Variants in TTLL11 observed in about 807,000 individuals in gnomAD.
The protein encoded by TTLL11 is tubulin polyglutamylase TTLL11.
Under a neutral mutation model 51.7 loss-of-function variants are expected in TTLL11, and 42 were observed. That is an observed-to-expected ratio of 0.81 (90% CI 0.64 to 1.05). TTLL11 has a LOEUF of 1.05. Ranked by LOEUF, TTLL11 falls within the 50% of genes least tolerant of loss-of-function variation. TTLL11 has a pLI of 0.00. For missense variants in TTLL11, 799 were observed against 940.4 expected (o/e 0.85, Z 1.97); for synonymous variants, 381 against 383.5 (o/e 0.99, Z 0.08).
At chr9:121,917,448 T>C (rs2131514999) in intron 6 of TTLL11, among the ~76,000 whole-genome samples, 1 of 138,814 alleles carries the variant, frequency 7.2e-6, no homozygotes, top group Non-Finnish European at 1.5e-5. Flanking sequence ...TTAGCCTGCC[T>C]GGGTGACAGA....
intron 4 of TTLL11, among the ~76,000 whole-genome samples, chr9:121,980,533 A>C (rs1842804808): frequency 1.3e-5 from 2 of 152,208 alleles, no homozygotes; most frequent in African/African-American, 4.8e-5. Context: ...CCCACCTCAC[A>C]TGCAGCCCTC....
chr9:121,932,289 C>T (rs1307394663), intron 6 of TTLL11, among the ~76,000 whole-genome samples: 1 of 152,150 alleles, frequency 6.6e-6, no homozygotes, highest in Non-Finnish European at 1.5e-5. Flanking sequence ...TGTATTGTAC[C>T]TAAGGTTTTG....
intron 8 of TTLL11, among the ~76,000 whole-genome samples, chr9:121,855,410 T>A (rs1230294452): frequency 6.6e-6 from 1 of 152,220 alleles, no homozygotes; most frequent in Non-Finnish European, 1.5e-5. Flanking sequence ...TTTTCCTAAT[T>A]ATTTTAAGCA....
chr9:121,850,840 G>C (rs1271795190), intron 8 of TTLL11, among the ~76,000 whole-genome samples: 1 of 152,130 alleles, frequency 6.6e-6, no homozygotes, highest in Non-Finnish European at 1.5e-5. Flanking sequence ...TCACGTCCTT[G>C]GTAATTGCCC....
intron 1 of TTLL11, among the ~76,000 whole-genome samples, chr9:122,084,963 C>A (rs1213630551): frequency 6.6e-6 from 1 of 152,114 alleles, no homozygotes; most frequent in African/African-American, 2.4e-5. Context: ...AATTAACATA[C>A]CAACGTATGA....
chr9:121,890,393 C>G lies in TTLL11; in HGVS notation c.1482-19645G>C, dbSNP rs1839181366. On this transcript the variant is annotated intron_variant, in intron 6 of 8. Coordinates refer to ENST00000321582, the MANE Select transcript of TTLL11 (RefSeq NM_001139442.2). The surrounding 1 kb of genome is among the most constrained non-coding windows in gnomAD (Gnocchi z 4.3). ...CTTCACCAGTTTCCTGGCTCGCAAC[C>G]TCCGCTTCCAATGTGTCCTTCATGT... 2.0e-5 allele frequency among the ~76,000 whole-genome samples: 3 copies of G among 152,318 alleles called. No individual in the cohort carries two copies. The South Asian group carries it at 6.2e-4, about 32-fold the overall frequency.
intron 3 of TTLL11, among the ~76,000 whole-genome samples, chr9:121,993,689 T>G (rs185419035): frequency 6.6e-6 from 1 of 152,286 alleles, no homozygotes; most frequent in East Asian, 1.9e-4. Context: ...TATGATGCAT[T>G]TGAGGAAATC....
intron 6 of TTLL11, among the ~76,000 whole-genome samples, chr9:121,895,613 G>A (rs1839451461): frequency 6.6e-6 from 1 of 150,760 alleles, no homozygotes; most frequent in African/African-American, 2.4e-5. Flanking sequence ...ATGTGTGTCT[G>A]TGTGAACATG....
At chr9:122,031,647 TCCCAGCACACAGGA>T in intron 3 of TTLL11, 62 bp downstream of exon 3, 1 of 1,545,116 alleles carries the variant, frequency 6.5e-7, no homozygotes. Context: ...CTGTCCCAGC[TCCCAGCACACAGGA>T]CCCAGGACAC....
chr9:122,035,665 G>A (rs1274914583), intron 2 of TTLL11, among the ~76,000 whole-genome samples: 2 of 152,148 alleles, frequency 1.3e-5, no homozygotes, highest in Non-Finnish European at 2.9e-5. Flanking sequence ...TATTCTGATT[G>A]CCACTAATTC....
chr9:121,907,406 T>A (rs934749040), intron 6 of TTLL11, among the ~76,000 whole-genome samples: 8 of 150,374 alleles, frequency 5.3e-5, no homozygotes, highest in Non-Finnish European at 4.4e-5. Flanking sequence ...GCTGAAATCA[T>A]GCCACTGCAC....
At chr9:122,090,362 C>A (rs1341314137) in intron 1 of TTLL11, among the ~76,000 whole-genome samples, 1 of 152,134 alleles carries the variant, frequency 6.6e-6, no homozygotes, top group Non-Finnish European at 1.5e-5. Flanking sequence ...TCGCATGGCA[C>A]ATGATCTGAT....
In TTLL11 at chr9:122,061,130, C is replaced by T. The variant is rs571753522; in HGVS notation, c.463-21762G>A. 2.0e-5 allele frequency among the ~76,000 whole-genome samples: 3 copies of T among 152,326 alleles called. No individual in the cohort carries two copies. The East Asian group carries it at 5.8e-4, about 29-fold the overall frequency. On this transcript the variant is annotated intron_variant, in intron 1 of 8. Transcript: ENST00000321582. ...TCACACATCACTCCAATCCCTGCCA[C>T]CGTCTTCACATGGCCCCCCTCTCCA...
intron 6 of TTLL11, among the ~76,000 whole-genome samples, chr9:121,928,291 T>C (rs944633123): frequency 6.6e-5 from 10 of 152,172 alleles, no homozygotes; most frequent in African/African-American, 2.2e-4. Context: ...AATTGTTATA[T>C]TAAAAACTGC....
chr9:122,062,656 A>G (rs1845467532), intron 1 of TTLL11, among the ~76,000 whole-genome samples: 1 of 150,080 alleles, frequency 6.7e-6, no homozygotes, highest in South Asian at 2.1e-4. Context: ...TTTAGTAGAG[A>G]TGGGGTTTCA....
intron 8 of TTLL11, among the ~76,000 whole-genome samples, chr9:121,834,163 A>G (rs563675007): frequency 6.6e-6 from 1 of 152,338 alleles, no homozygotes; most frequent in East Asian, 1.9e-4. Flanking sequence ...AAGGCGGTTC[A>G]TCACAGGAAT....
At chr9:121,980,179 G>A (rs967586320) in intron 4 of TTLL11, among the ~76,000 whole-genome samples, 2 of 150,402 alleles carry the variant, frequency 1.3e-5, no homozygotes, top group Non-Finnish European at 2.9e-5. Context: ...GGGCCAGGGG[G>A]GCCTTTCTTT....
chr9:121,880,265 G>A (rs546722764), intron 6 of TTLL11, among the ~76,000 whole-genome samples: 23 of 152,246 alleles, frequency 1.5e-4, no homozygotes, highest in African/African-American at 5.5e-4. Flanking sequence ...CCCAAGGCAC[G>A]GTGAACAAGG....
At chr9:122,060,447 T>C (rs775588659) in intron 1 of TTLL11, among the ~76,000 whole-genome samples, 1 of 152,210 alleles carries the variant, frequency 6.6e-6, no homozygotes, top group Non-Finnish European at 1.5e-5. Flanking sequence ...TTACATAGCC[T>C]GCTCCCTGCC....
Sources: allele counts gnomAD v4.1 joint callset (sites outside exome capture counted in the v4.1 genomes callset), GRCh38; gene constraint gnomAD v4.1.1; non-coding constraint Gnocchi (gnomAD v3.1); transcripts MANE v1.5; gene names NCBI Gene and HGNC (gene_info 2026-07-23, HGNC 2026-07-21).